Variants in PDZRN4 observed in about 807,000 individuals in gnomAD.
The protein encoded by PDZRN4 is PDZ domain containing ring finger 4.
PDZRN4 carries 70 observed loss-of-function variants against 99.0 expected under a neutral mutation model. The ratio of observed to expected loss-of-function variants is 0.71; its 90% confidence interval spans 0.58 to 0.86. The LOEUF is 0.86. Among genes scored for constraint, PDZRN4 ranks in the 40% least tolerant of loss-of-function variants. The pLI is 0.00. For synonymous variants in PDZRN4, 551 were observed against 501.6 expected, an observed-to-expected ratio of 1.10 and a Z score of -1.32; for missense variants, 1,474 against 1,331.2, an observed-to-expected ratio of 1.11 and a Z score of -1.67.
At chr12:41,331,053 A>G (rs546778126) in intron 3 of PDZRN4, among the ~76,000 whole-genome samples, 1 of 152,282 alleles carries the variant, frequency 6.6e-6, no homozygotes, top group South Asian at 2.1e-4. Flanking sequence ...AAATCTGAAT[A>G]GACTTTGGGG....
intron 3 of PDZRN4, among the ~76,000 whole-genome samples, chr12:41,392,029 G>T (rs1396772128): frequency 6.6e-6 from 1 of 152,120 alleles, no homozygotes; most frequent in Non-Finnish European, 1.5e-5. Context: ...TCACTAAAAT[G>T]GAGAAACTTG....
intron 3 of PDZRN4, among the ~76,000 whole-genome samples, chr12:41,288,504 C>T (rs75945372): frequency 0.036 from 5,479 of 152,180 alleles, 333 homozygotes; most frequent in African/African-American, 0.12. Context: ...CTAATTGGAA[C>T]TGTAGTTCTT....
chr12:41,483,062 G>A (rs1361850039), intron 3 of PDZRN4, among the ~76,000 whole-genome samples: 1 of 151,896 alleles, frequency 6.6e-6, no homozygotes, highest in Non-Finnish European at 1.5e-5. Context: ...AAGCAGTCAT[G>A]AAGTGGAATT....
At position 41,567,792 on chromosome 12, in the gene PDZRN4, G is replaced by A; in HGVS notation, c.1477G>A (p.Gly493Ser). Residue 493 changes from glycine (G) to serine (S), a missense_variant, in exon 9 of 10, where the codon GGC becomes AGC. Coordinates refer to ENST00000402685, the MANE Select transcript of PDZRN4 (RefSeq NM_001164595.2). ...ATGTATTCTTTTGCAGCTGGATGAA[G>A]GCTGGCTGGAAGATGAAAGGAATGA... Reference protein sequence around the residue: ...VARPEIQLDEGWLEDERNEFL... With the variant: ...VARPEIQLDESWLEDERNEFL... 1.2e-6 allele frequency: 2 copies of A among 1,609,574 alleles called. No homozygotes were observed. The highest frequency in any genetic ancestry group is 1.7e-6 in the Non-Finnish European group (2 of 1,176,514).
chr12:41,250,746 G>A (rs1053933521), intron 3 of PDZRN4, among the ~76,000 whole-genome samples: 3 of 152,208 alleles, frequency 2.0e-5, no homozygotes, highest in African/African-American at 4.8e-5. Context: ...ATGAGCAGGA[G>A]CATTGACACG....
At position 41,188,716 on chromosome 12, in the gene PDZRN4, C is replaced by T; in HGVS notation, c.261C>T (p.Gly87=). 1 of 1,557,224 alleles carries T rather than the reference C, an allele frequency of 6.4e-7. No individual in the cohort carries two copies. Residue 87 remains glycine (G), a synonymous_variant, in exon 1 of 10, where the codon GGC becomes GGT. Transcript: ENST00000402685. The part of the protein sequence containing the change: ...LRVQCDYRAR[G]CGHSVRLHEL... ...TCCAGTGCGACTACCGCGCCCGCGGCTGCGGCCACTCGGTCAGGCTGCACG... is the reference window on the plus strand; with the variant it reads ...TCCAGTGCGACTACCGCGCCCGCGGTTGCGGCCACTCGGTCAGGCTGCACG...
chr12:41,458,616 A>G (rs1952839302), intron 3 of PDZRN4, among the ~76,000 whole-genome samples: 1 of 152,138 alleles, frequency 6.6e-6, no homozygotes, highest in Admixed American at 6.5e-5. Context: ...TTTTTGCCAG[A>G]TGAAGTAAGG....
chr12:41,337,159 G>GA (rs1226635319), intron 3 of PDZRN4, among the ~76,000 whole-genome samples: 1 of 152,080 alleles, frequency 6.6e-6, no homozygotes, highest in Non-Finnish European at 1.5e-5. Context: ...CTACACCCAA[G>GA]AATGAACAAG....
chr12:41,260,061 A>G (rs1322258294), intron 3 of PDZRN4, among the ~76,000 whole-genome samples: 1 of 152,172 alleles, frequency 6.6e-6, no homozygotes, highest in Non-Finnish European at 1.5e-5. Context: ...GTTTTGTATT[A>G]GGTTAATGAA....
intron 5 of PDZRN4, among the ~76,000 whole-genome samples, chr12:41,510,962 C>T (rs1014961260): frequency 6.6e-5 from 10 of 152,056 alleles, no homozygotes; most frequent in African/African-American, 1.9e-4. Context: ...TTTACCTCCT[C>T]TTTATTAAGT....
chr12:41,255,711 A>G (rs987960869), intron 3 of PDZRN4, among the ~76,000 whole-genome samples: 58 of 152,316 alleles, frequency 3.8e-4, no homozygotes, highest in Admixed American at 3.1e-3. Context: ...TGCGAGCTGT[A>G]CAGGAAGCAT....
intron 3 of PDZRN4, among the ~76,000 whole-genome samples, chr12:41,271,014 C>T (rs549986684): frequency 1.1e-4 from 16 of 152,040 alleles, no homozygotes; most frequent in East Asian, 9.6e-4. Flanking sequence ...ATATAGTCTT[C>T]GTAGCATCAC....
rs187075977 is a variant in PDZRN4, at chr12:41,256,121, A to G, written c.843+61933A>G. 8.7e-3 allele frequency among the ~76,000 whole-genome samples: 1,331 copies of G among 152,338 alleles called. 8 individuals carry two copies. Among genetic ancestry groups the G allele is most frequent in the Non-Finnish European group, 0.014 (944 of 68,030 alleles). On this transcript the variant is annotated intron_variant, in intron 3 of 9. Transcript: ENST00000402685. ...TAAATTTTTTAATGCATTGACAGGC[A>G]AATGTGTAAGGATAATTTTCAAAAT...
At chr12:41,503,375 A>G (rs1201578035) in intron 3 of PDZRN4, among the ~76,000 whole-genome samples, 1 of 152,150 alleles carries the variant, frequency 6.6e-6, no homozygotes, top group Non-Finnish European at 1.5e-5. Flanking sequence ...TGAAATTTGC[A>G]TATAAATTTC....
chr12:41,270,762 T>G (rs1482820458), intron 3 of PDZRN4, among the ~76,000 whole-genome samples: 1 of 152,156 alleles, frequency 6.6e-6, no homozygotes, highest in Non-Finnish European at 1.5e-5. Flanking sequence ...CAAAATTTAT[T>G]CATTCTTTTA....
intron 5 of PDZRN4, among the ~76,000 whole-genome samples, chr12:41,527,144 G>A (rs971942270): frequency 6.6e-6 from 1 of 152,176 alleles, no homozygotes; most frequent in African/African-American, 2.4e-5. Flanking sequence ...TGGGCAGTGA[G>A]GAAATGATAC....
At chr12:41,519,399 C>A (rs555339303) in intron 5 of PDZRN4, among the ~76,000 whole-genome samples, 1 of 152,118 alleles carries the variant, frequency 6.6e-6, no homozygotes, top group Admixed American at 6.6e-5. Flanking sequence ...CTGACAGCAG[C>A]CCTGATTCCT....
intron 3 of PDZRN4, among the ~76,000 whole-genome samples, chr12:41,241,351 G>T (rs2120783467): frequency 6.6e-6 from 1 of 152,276 alleles, no homozygotes; most frequent in Middle Eastern, 3.4e-3. Context: ...TGTTAATTTT[G>T]TTGTGCATCT....
chr12:41,522,524 C>T lies in PDZRN4; in HGVS notation c.1203+12611C>T, dbSNP rs538172679. ...AGATTAATTCATATAGGTGGCAGCA[C>T]ATGTGAATATTCAATTAGTTTTACT... On this transcript the variant is annotated intron_variant, in intron 5 of 9. Coordinates refer to ENST00000402685, the MANE Select transcript of PDZRN4 (RefSeq NM_001164595.2). 1.7e-3 allele frequency among the ~76,000 whole-genome samples: 264 copies of T among 152,208 alleles called. 1 individual carries two copies. Among genetic ancestry groups the T allele is most frequent in the African/African-American group, 6.0e-3 (250 of 41,560 alleles).
Sources: allele counts gnomAD v4.1 joint callset (sites outside exome capture counted in the v4.1 genomes callset), GRCh38; gene constraint gnomAD v4.1.1; transcripts MANE v1.5; gene names NCBI Gene and HGNC (gene_info 2026-07-23, HGNC 2026-07-21).